Variants in ZFP91 observed in about 807,000 individuals in gnomAD.
ZFP91 encodes ZFP91 zinc finger protein, atypical E3 ubiquitin ligase.
A neutral mutation model predicts 63.5 loss-of-function variants in ZFP91; 7 were observed. That is an observed-to-expected ratio of 0.11 (90% CI 0.06 to 0.21). The LOEUF (loss-of-function observed/expected upper bound fraction) is 0.21, where lower values mean the gene tolerates loss of function less well. ZFP91 is among the 10% of genes least tolerant of loss of function. The pLI is 1.00. For missense variants in ZFP91, 628 were observed against 736.6 expected (o/e 0.85, Z 1.71); for synonymous variants, 330 against 272.1 (o/e 1.21, Z -2.10).
In ZFP91 at chr11:58,617,408, G is replaced by A. The variant is rs1038229658; in HGVS notation, c.1415G>A (p.Ser472Asn). The change falls in exon 11 of 11, where the codon AGC (serine) becomes AAC (asparagine). Residue 472 changes from serine to asparagine, a missense_variant. This residue lies in a region of ZFP91 where 115 missense variants were observed against 125.4 expected (regional missense o/e 0.92). Transcript: ENST00000316059. This position sits in a 1 kb window ranked among gnomAD's most constrained non-coding sequence, Gnocchi z 4.2. ...GCCAATGCAGGCGCCCTCATCACCA[G>A]CACAGATATCTTGGGCACTAACCCA... ...LAANAGALIT[S>N]TDILGTNPES... is the part of the protein sequence containing the mutation. 2 of 1,613,708 alleles carry A rather than the reference G, an allele frequency of 1.2e-6. No homozygotes were observed. The highest frequency in any genetic ancestry group is 1.7e-6 in the Non-Finnish European group (2 of 1,179,818).
intron 2 of ZFP91, among the ~76,000 whole-genome samples, chr11:58,602,278 T>A (rs965326071): frequency 3.3e-5 from 5 of 152,320 alleles, no homozygotes; most frequent in Admixed American, 6.5e-5. Flanking sequence ...TCTAATTTTT[T>A]AATTTTGCTT....
chr11:58,617,400 C>G lies in ZFP91; in HGVS notation c.1407C>G (p.Leu469=), dbSNP rs1303837835. 1 of 1,613,604 alleles carries G rather than the reference C, an allele frequency of 6.2e-7. No individual in the cohort carries two copies. The highest frequency in any genetic ancestry group is 8.5e-7 in the Non-Finnish European group (1 of 1,179,750). ...AEALAANAGA[L]ITSTDILGTN... Reference sequence around the variant, plus strand: ...CTCTGGCTGCCAATGCAGGCGCCCTCATCACCAGCACAGATATCTTGGGCA... The same window carrying G: ...CTCTGGCTGCCAATGCAGGCGCCCTGATCACCAGCACAGATATCTTGGGCA... Residue 469 remains leucine, a synonymous_variant, in exon 11 of 11, where the codon CTC becomes CTG. Transcript: ENST00000316059. The surrounding 1 kb of genome is among the most constrained non-coding windows in gnomAD (Gnocchi z 4.2).
At chr11:58,609,250 A>G (rs1354191541) in intron 2 of ZFP91, among the ~76,000 whole-genome samples, 1 of 152,216 alleles carries the variant, frequency 6.6e-6, no homozygotes, top group Non-Finnish European at 1.5e-5. Flanking sequence ...GCTCCTGTAC[A>G]CAATGTCTTA....
In ZFP91 at chr11:58,579,163, G is replaced by GCGCAGGGTGAGAGTGAGC. The variant is rs1274527904; in HGVS notation, c.-112_-95dup. The GCGCAGGGTGAGAGTGAGC allele has an allele frequency of 8.7e-6, 7 of 808,026 alleles. No homozygotes were observed. In the African/African-American group the frequency reaches 9.5e-5, roughly 11 times the overall value. The allele number at this position is 808,026 out of a possible 1,614,324, so 50.1% of individuals were successfully genotyped here. A position where few individuals can be genotyped will look rare whatever the true frequency, so the allele number is the denominator to read the frequency against. On this transcript the variant is annotated 5_prime_UTR_variant, in exon 1 of 11. Transcript: ENST00000316059. ...GGCGGAGGGGAGGGGGGAAAGAGGA[G>GCGCAGGGTGAGAGTGAGC]CGCAGGGTGAGAGTGAGCCGCAGGC... is the stretch of plus-strand genomic sequence containing the variant.
Position 58,612,975 on chromosome 11 carries a change from A to T in ZFP91, c.987+135A>T, listed in dbSNP as rs957498011. 5.3e-6 allele frequency: 4 copies of T among 757,864 alleles called. No homozygotes were observed. In the African/African-American group the frequency reaches 7.1e-5, roughly 13 times the overall value. The allele number at this position is 757,864 out of a possible 1,614,324, so 46.9% of individuals were successfully genotyped here. A position where few individuals can be genotyped will look rare whatever the true frequency, so the allele number is the denominator to read the frequency against. ...TGTCAAGAAAAGTCTTTCTTTAAACATAAAATGACTTTAACCCATTTATGC... is the reference window on the plus strand; with the variant it reads ...TGTCAAGAAAAGTCTTTCTTTAAACTTAAAATGACTTTAACCCATTTATGC... On this transcript the variant is annotated intron_variant, in intron 8 of 10. Coordinates refer to ENST00000316059, the MANE Select transcript of ZFP91 (RefSeq NM_053023.5).
chr11:58,579,620 C>T lies in ZFP91; in HGVS notation c.339C>T (p.Leu113=), dbSNP rs749219530. The T allele has an allele frequency of 7.0e-6, 11 of 1,564,854 alleles. No homozygotes were observed. Among genetic ancestry groups the T allele is most frequent in the Non-Finnish European group, 8.6e-6 (10 of 1,160,898 alleles). Residue 113 remains leucine (L), a splice_region_variant and synonymous_variant, in exon 1 of 11, where the codon CTC becomes CTT. Coordinates refer to ENST00000316059, the MANE Select transcript of ZFP91 (RefSeq NM_053023.5). ...TTCAGGGCAAGAAGAGTCCGCGACTCCTGTGAGTAACAGTCTTTCAGGCGG... is the reference window on the plus strand; with the variant it reads ...TTCAGGGCAAGAAGAGTCCGCGACTTCTGTGAGTAACAGTCTTTCAGGCGG... The part of the protein sequence containing the change: ...SPVQGKKSPR[L]LCIEKVTTDK...
intron 2 of ZFP91, among the ~76,000 whole-genome samples, chr11:58,607,744 G>C (rs955979800): frequency 2.6e-5 from 4 of 151,974 alleles, no homozygotes; most frequent in African/African-American, 9.7e-5. Flanking sequence ...TGTATATATA[G>C]TTTTGTGTCT....
At position 58,611,605 on chromosome 11, in the gene ZFP91, G is replaced by A; in HGVS notation, c.724G>A (p.Glu242Lys). The change falls in exon 6 of 11, where the codon GAA (glutamate) becomes AAA (lysine). Residue 242 changes from glutamate (E) to lysine (K), a missense_variant and splice_region_variant. This residue lies in a region of ZFP91 where 437 missense variants were observed against 380.3 expected (regional missense o/e 1.15). Transcript: ENST00000316059. Reference protein sequence around the residue: ...DETYKPHLERETPKPRRKSGK... With the variant: ...DETYKPHLERKTPKPRRKSGK... The stretch of plus-strand genomic sequence containing the variant: ...ATTGAAATGCATTTGTGTTTTCAGG[G>A]AAACCCCAAAGCCACGGAGAAAATC... The A allele has an allele frequency of 6.2e-7, 1 of 1,610,164 alleles. No individual in the cohort carries two copies. The highest frequency in any genetic ancestry group is 8.5e-7 in the Non-Finnish European group (1 of 1,178,154).
chr11:58,611,641 A>C lies in ZFP91; in HGVS notation c.760A>C (p.Lys254Gln). 2 of 1,612,982 alleles carry C rather than the reference A, an allele frequency of 1.2e-6. No homozygotes were observed. Among genetic ancestry groups the C allele is most frequent in the Non-Finnish European group, 1.7e-6 (2 of 1,179,312 alleles). ...PKPRRKSGKV[K>Q]EEKEKKEIKV... is the part of the protein sequence containing the mutation. ...GCCACGGAGAAAATCAGGGAAGGTA[A>C]AAGAAGAGAAGGAGAAGAAGGAAAT... Residue 254 changes from lysine to glutamine, a missense_variant, in exon 6 of 11, where the codon AAA (lysine) becomes CAA (glutamine). Physicochemically the swap from Lys to Gln is moderately conservative, Grantham distance 53. Around this residue, in one of 3 missense-constraint regions of ZFP91, gnomAD observed 437 missense variants for 380.3 expected, o/e 1.15. Transcript: ENST00000316059.
intron 2 of ZFP91, among the ~76,000 whole-genome samples, chr11:58,590,566 C>CG (rs1855287133): frequency 6.6e-6 from 1 of 152,042 alleles, no homozygotes; most frequent in Non-Finnish European, 1.5e-5. Context: ...AATAGAAAAT[C>CG]GAAGTCATAA....
intron 2 of ZFP91, among the ~76,000 whole-genome samples, chr11:58,590,514 A>G (rs1855286172): frequency 6.6e-6 from 1 of 152,230 alleles, no homozygotes. Context: ...CCACCCCCAC[A>G]GTATAATCAA....
At position 58,591,507 on chromosome 11, in the gene ZFP91, A is replaced by G. The variant is rs576132361; in HGVS notation, c.370+6623A>G. 7.0e-4 allele frequency among the ~76,000 whole-genome samples: 106 copies of G among 152,318 alleles called. 1 individual carries two copies. The highest frequency in any genetic ancestry group is 2.5e-3 in the African/African-American group (103 of 41,564). Reference sequence around the variant, plus strand: ...ATGTACAATTTAGGGATCTTGGTACATTGTATGAATTGCACACCTATCACA... The same window carrying G: ...ATGTACAATTTAGGGATCTTGGTACGTTGTATGAATTGCACACCTATCACA... On this transcript the variant is annotated intron_variant, in intron 2 of 10. Transcript: ENST00000316059.
At chr11:58,598,749 C>CGT (rs56110499) in intron 2 of ZFP91, among the ~76,000 whole-genome samples, 11,430 of 120,752 alleles carry the variant, frequency 0.095, 707 homozygotes, top group Middle Eastern at 0.2. Flanking sequence ...CTTTTGTGCA[C>CGT]GTGTGTGTGT....
intron 9 of ZFP91, among the ~76,000 whole-genome samples, chr11:58,614,633 T>C (rs891712887): frequency 1.3e-5 from 2 of 152,218 alleles, no homozygotes; most frequent in Admixed American, 6.5e-5. Context: ...ATATTATTGC[T>C]AATTAGTCTA....
intron 2 of ZFP91, among the ~76,000 whole-genome samples, chr11:58,585,414 A>G (rs1239887474): frequency 6.6e-6 from 1 of 152,198 alleles, no homozygotes; most frequent in Non-Finnish European, 1.5e-5. Flanking sequence ...AAAATACTTT[A>G]TTCTGGCTTT....
rs1379136994 is a variant in ZFP91 at position 58,619,943 on chromosome 11, T to A, written c.*2237T>A. On this transcript the variant is annotated 3_prime_UTR_variant, in exon 11 of 11. Coordinates refer to ENST00000316059, the MANE Select transcript of ZFP91 (RefSeq NM_053023.5). ...TTTTTTGTCACACTTATCCTTTGTC[T>A]CCGTAAATTTCATTTGCAGTGGTTA... The A allele has an allele frequency of 6.6e-6, 1 of 152,230 alleles. No homozygotes were observed. Among genetic ancestry groups the A allele is most frequent in the African/African-American group, 2.4e-5 (1 of 41,456 alleles). 9.4% of individuals were successfully genotyped at this position (152,230 alleles called of 1,614,324 possible).
chr11:58,596,372 C>T (rs1162026242), intron 2 of ZFP91, among the ~76,000 whole-genome samples: 31 of 152,046 alleles, frequency 2.0e-4, no homozygotes, highest in Admixed American at 2.0e-3. Flanking sequence ...TTCTTTTTTG[C>T]TTTTTCGTTT....
chr11:58,594,195 A>G (rs555136285), intron 2 of ZFP91, among the ~76,000 whole-genome samples: 1 of 152,356 alleles, frequency 6.6e-6, no homozygotes, highest in African/African-American at 2.4e-5. Context: ...CCTCCTCGGC[A>G]TGATAAATGA....
intron 2 of ZFP91, among the ~76,000 whole-genome samples, chr11:58,588,775 C>T (rs951622938): frequency 1.3e-5 from 2 of 151,704 alleles, no homozygotes; most frequent in Non-Finnish European, 2.9e-5. Context: ...TTTATTATTT[C>T]TAAAAATACA....
Sources: allele counts gnomAD v4.1 joint callset (sites outside exome capture counted in the v4.1 genomes callset), GRCh38; gene constraint gnomAD v4.1.1; regional missense constraint gnomAD v4.1.1; non-coding constraint Gnocchi (gnomAD v3.1); transcripts MANE v1.5; gene names NCBI Gene and HGNC (gene_info 2026-07-23, HGNC 2026-07-21).